Variants in SLC13A3 observed in about 807,000 individuals in gnomAD.
SLC13A3 encodes Na(+)/dicarboxylate cotransporter 3.
Under a neutral mutation model 59.0 loss-of-function variants are expected in SLC13A3, and 40 were observed. The observed-to-expected ratio is 0.68, with a 90% confidence interval of 0.53 to 0.88. SLC13A3 has a LOEUF of 0.88. Ranked by LOEUF, SLC13A3 falls within the 40% of genes least tolerant of loss-of-function variation. SLC13A3 has a pLI of 0.00. For missense variants in SLC13A3, 699 were observed against 783.2 expected (o/e 0.89, Z 1.28); for synonymous variants, 317 against 330.3 (o/e 0.96, Z 0.44).
intron 3 of SLC13A3, among the ~76,000 whole-genome samples, chr20:46,601,699 T>A (rs2062382207): frequency 6.6e-6 from 1 of 152,194 alleles, no homozygotes; most frequent in Non-Finnish European, 1.5e-5. Flanking sequence ...GAAAGTCTGA[T>A]GGAGAAGGAA....
intron 1 of SLC13A3, among the ~76,000 whole-genome samples, chr20:46,648,571 G>A (rs558672941): frequency 2.1e-4 from 32 of 152,162 alleles, no homozygotes; most frequent in African/African-American, 7.7e-4. Flanking sequence ...GGGAACAAAG[G>A]GGTGGTTTGT....
At chr20:46,563,626 G>GAGAGAGAGAGAC in intron 11 of SLC13A3, 75 bp from the exon 12 acceptor site, 2 of 1,490,310 alleles carry the variant, frequency 1.3e-6, no homozygotes, top group Non-Finnish European at 1.8e-6. Flanking sequence ...GAGAGAGAGA[G>GAGAGAGAGAGAC]AGAGAGGCAG....
chr20:46,600,884 G>T (rs2062373546), intron 3 of SLC13A3, among the ~76,000 whole-genome samples: 1 of 152,220 alleles, frequency 6.6e-6, no homozygotes, highest in Non-Finnish European at 1.5e-5. Flanking sequence ...CTGGAAAGTG[G>T]AGAGGGGAGT....
chr20:46,622,627 T>A (rs60799982), intron 1 of SLC13A3, among the ~76,000 whole-genome samples: 2 of 43,600 alleles, frequency 4.6e-5, no homozygotes, highest in Non-Finnish European at 8.5e-5. Flanking sequence ...TGTGCGTGTG[T>A]GTGTGTGTGT....
At chr20:46,624,287 C>A (rs759992978) in intron 1 of SLC13A3, among the ~76,000 whole-genome samples, 6 of 152,356 alleles carry the variant, frequency 3.9e-5, no homozygotes, top group Non-Finnish European at 8.8e-5. Context: ...CATAATAATA[C>A]TAATAACAGT....
At chr20:46,655,952 A>T (rs1251997707), upstream of SLC13A3, among the ~76,000 whole-genome samples, 2 of 143,054 alleles carry the variant, frequency 1.4e-5, no homozygotes, top group Admixed American at 1.5e-4. Flanking sequence ...ATATATATAC[A>T]GTATACATAT....
At chr20:46,645,356 C>T (rs916080856) in intron 1 of SLC13A3, among the ~76,000 whole-genome samples, 6 of 152,164 alleles carry the variant, frequency 3.9e-5, no homozygotes, top group Non-Finnish European at 5.9e-5. Flanking sequence ...ATTAGGACAC[C>T]GACACCTTTG....
At chr20:46,566,487 C>G in intron 10 of SLC13A3, 97 bp from the exon 11 acceptor site, 1 of 1,392,588 alleles carries the variant, frequency 7.2e-7, no homozygotes, top group Non-Finnish European at 9.7e-7. Flanking sequence ...CGACCATACC[C>G]CTTCCCAGAT....
Position 46,571,896 on chromosome 20 carries a change from T to A in SLC13A3, c.1332+3677A>T, listed in dbSNP as rs574295499. ...GCAAAGGCTGTGGGGTGCATGTGAGTCTGATGTGGCTGAGGAAGGGGCCAA... is the reference window on the plus strand; with the variant it reads ...GCAAAGGCTGTGGGGTGCATGTGAGACTGATGTGGCTGAGGAAGGGGCCAA... On this transcript the variant is annotated intron_variant, in intron 10 of 12. Coordinates refer to ENST00000279027, the MANE Select transcript of SLC13A3 (RefSeq NM_022829.6). 2.6e-4 allele frequency among the ~76,000 whole-genome samples: 40 copies of A among 151,740 alleles called. No homozygotes were observed. The East Asian group carries it at 6.8e-3, about 26-fold the overall frequency.
intron 6 of SLC13A3, among the ~76,000 whole-genome samples, chr20:46,590,329 GA>G (rs1057381208): frequency 6.7e-6 from 1 of 149,332 alleles, no homozygotes; most frequent in Non-Finnish European, 1.5e-5. Context: ...AGAAAAGATT[GA>G]AAAAAAAATT....
intron 10 of SLC13A3, among the ~76,000 whole-genome samples, chr20:46,568,329 C>T (rs989840523): frequency 3.8e-5 from 5 of 132,150 alleles, no homozygotes; most frequent in African/African-American, 1.1e-4. Flanking sequence ...ACCAGGGAAG[C>T]GGAGGTTGCA....
At chr20:46,613,944 C>T (rs1356578941) in intron 1 of SLC13A3, 4 of 474,974 alleles carry the variant, frequency 8.4e-6, no homozygotes, top group Non-Finnish European at 1.1e-5. Flanking sequence ...CTTTCTAAGC[C>T]TCATTTTGCT....
rs1430397960 is a variant in SLC13A3 at position 46,610,940 on chromosome 20, G to T, written c.378-331C>A. ...GACACTCCACTATCTTTCCCTCATG[G>T]CCTTCTCAGCTTCCTCCCTCTTTTC... On this transcript the variant is annotated intron_variant, in intron 2 of 12. Transcript: ENST00000279027. Among the ~76,000 whole-genome samples, 4 of 151,798 alleles carry T rather than the reference G, an allele frequency of 2.6e-5. No homozygotes were observed. In the East Asian group the frequency reaches 7.8e-4, roughly 29 times the overall value.
At chr20:46,592,250 T>TAC (rs2062266886) in intron 6 of SLC13A3, among the ~76,000 whole-genome samples, 154 bp downstream of exon 6, 3 of 150,786 alleles carry the variant, frequency 2.0e-5, no homozygotes, top group African/African-American at 7.5e-5. Context: ...CATACATACA[T>TAC]ATATACATAC....
chr20:46,585,829 G>A, intron 8 of SLC13A3: 2 of 1,243,718 alleles, frequency 1.6e-6, no homozygotes, highest in South Asian at 1.4e-5. Context: ...AAATTATATT[G>A]TTTCTTGCTT....
At chr20:46,646,593 C>T (rs2062896856) in intron 1 of SLC13A3, among the ~76,000 whole-genome samples, 1 of 152,148 alleles carries the variant, frequency 6.6e-6, no homozygotes, top group Non-Finnish European at 1.5e-5. Flanking sequence ...GGTTTCCAGC[C>T]CAGGCTCCCC....
In SLC13A3 at chr20:46,651,375, C is replaced by T. The variant is rs776256448; in HGVS notation, c.47G>A (p.Arg16Gln). ...CGGCGTGAACAGCAGCACCAGCAGC[C>T]GCCGCGCGCTCCACACCTTCTTGGC... ...AAAKKVWSAR[R>Q]LLVLLFTPLA... The change falls in exon 1 of 13, where the codon CGG becomes CAG. Residue 16 changes from arginine (R) to glutamine (Q), a missense_variant. Physicochemically the swap from Arg to Gln is conservative, Grantham distance 43. Transcript: ENST00000279027. 9.0e-5 allele frequency: 136 copies of T among 1,508,884 alleles called. No individual in the cohort carries two copies. Among genetic ancestry groups the T allele is most frequent in the Non-Finnish European group, 1.2e-4 (132 of 1,132,520 alleles). 93.5% of individuals were successfully genotyped at this position (1,508,884 alleles called of 1,614,324 possible).
chr20:46,622,195 G>C (rs1482947955), intron 1 of SLC13A3, among the ~76,000 whole-genome samples: 2 of 152,204 alleles, frequency 1.3e-5, no homozygotes, highest in Non-Finnish European at 2.9e-5. Flanking sequence ...AATAGATTGT[G>C]ACCCTGACTC....
intron 9 of SLC13A3, chr20:46,582,565 T>G: frequency 1.1e-6 from 1 of 876,330 alleles, no homozygotes; most frequent in Non-Finnish European, 1.4e-6. Flanking sequence ...ATGGTGCTAC[T>G]GCACCCCAGC....
Sources: allele counts gnomAD v4.1 joint callset (sites outside exome capture counted in the v4.1 genomes callset), GRCh38; gene constraint gnomAD v4.1.1; transcripts MANE v1.5; gene names NCBI Gene and HGNC (gene_info 2026-07-23, HGNC 2026-07-21).